Variants in KHDRBS2 observed in about 807,000 individuals in gnomAD.
KHDRBS2 encodes KH domain-containing, RNA-binding, signal transduction-associated protein 2.
A neutral mutation model predicts 44.3 loss-of-function variants in KHDRBS2; 26 were observed. That is an observed-to-expected ratio of 0.59 (90% CI 0.43 to 0.81). The LOEUF (loss-of-function observed/expected upper bound fraction) is 0.81, where lower values mean the gene tolerates loss of function less well. Ranked by LOEUF, KHDRBS2 falls within the 40% of genes least tolerant of loss-of-function variation. The pLI, the probability that KHDRBS2 is intolerant of heterozygous loss-of-function variation, is 0.00. For missense variants in KHDRBS2, 476 were observed against 433.1 expected, an observed-to-expected ratio of 1.10 and a Z score of -0.88; for synonymous variants, 194 against 151.1, an observed-to-expected ratio of 1.28 and a Z score of -2.08.
chr6:61,770,617 G>A (rs2127576302), intron 6 of KHDRBS2, among the ~76,000 whole-genome samples: 2 of 152,262 alleles, frequency 1.3e-5, no homozygotes, highest in Middle Eastern at 6.8e-3. Flanking sequence ...GAAATGAAGT[G>A]AGAAGAGAAG....
chr6:61,697,138 T>A lies in KHDRBS2; in HGVS notation c.952+57A>T. Reference sequence around the variant, plus strand: ...GAGAAAGATGGAAATAATGTTTGAATTGTCGGTGACTGATGGATGTTCCGA... The same window carrying A: ...GAGAAAGATGGAAATAATGTTTGAAATGTCGGTGACTGATGGATGTTCCGA... On this transcript the variant is annotated intron_variant, in intron 8 of 8. Coordinates refer to ENST00000281156, the MANE Select transcript of KHDRBS2 (RefSeq NM_152688.4). 2.8e-6 allele frequency: 3 copies of A among 1,081,432 alleles called. No individual in the cohort carries two copies. In the South Asian group the frequency reaches 3.7e-5, roughly 13 times the overall value. The allele number at this position is 1,081,432 out of a possible 1,614,324, so 67.0% of individuals were successfully genotyped here. A position where few individuals can be genotyped will look rare whatever the true frequency, so the allele number is the denominator to read the frequency against.
the KHDRBS2 span, among the ~76,000 whole-genome samples, chr6:61,645,666 G>A: frequency 2.6e-5 from 4 of 152,128 alleles, no homozygotes; most frequent in Non-Finnish European, 5.9e-5. Flanking sequence ...AGTTGGTGGA[G>A]AAGAAATTGG....
chr6:61,873,484 G>T (rs1246186977), intron 6 of KHDRBS2, among the ~76,000 whole-genome samples: 2 of 151,786 alleles, frequency 1.3e-5, no homozygotes, highest in African/African-American at 4.8e-5. Flanking sequence ...AAAACGTGGA[G>T]AACTAAGGAC....
At chr6:61,836,347 A>G (rs1281340807) in intron 6 of KHDRBS2, among the ~76,000 whole-genome samples, 2 of 151,998 alleles carry the variant, frequency 1.3e-5, no homozygotes, top group African/African-American at 2.4e-5. Context: ...CACAGACTCC[A>G]TGTAAGACAA....
At chr6:62,285,823 G>A (rs1842408733) in intron 1 of KHDRBS2, 35 bp downstream of exon 1, 2 of 1,491,842 alleles carry the variant, frequency 1.3e-6, no homozygotes, top group Non-Finnish European at 1.9e-6. Flanking sequence ...ATAGGCAGCC[G>A]GCGGTTTGTG....
the KHDRBS2 span, among the ~76,000 whole-genome samples, chr6:61,585,922 C>A: frequency 2.0e-5 from 3 of 152,052 alleles, no homozygotes; most frequent in Admixed American, 6.6e-5. Flanking sequence ...AATTAGAGAA[C>A]AATTAACTTC....
intron 2 of KHDRBS2, among the ~76,000 whole-genome samples, chr6:62,107,422 C>G (rs891196361): frequency 2.6e-5 from 4 of 152,132 alleles, no homozygotes; most frequent in Non-Finnish European, 1.5e-5. Flanking sequence ...AACTACAAAC[C>G]ACTGCTCAGT....
intron 1 of KHDRBS2, among the ~76,000 whole-genome samples, chr6:62,251,924 T>C (rs1320189285): frequency 6.6e-6 from 1 of 151,940 alleles, no homozygotes; most frequent in African/African-American, 2.4e-5. Context: ...AAAATCCTAC[T>C]AAATGTTAAA....
chr6:62,119,164 C>A (rs909416002), intron 2 of KHDRBS2, among the ~76,000 whole-genome samples: 3 of 152,140 alleles, frequency 2.0e-5, no homozygotes, highest in Non-Finnish European at 4.4e-5. Context: ...GACTCTACTT[C>A]TAATATTATG....
chr6:61,802,537 C>T (rs1195790921), intron 6 of KHDRBS2, among the ~76,000 whole-genome samples: 2 of 152,114 alleles, frequency 1.3e-5, no homozygotes, highest in East Asian at 3.9e-4. Context: ...ACTAAGGACT[C>T]TTGCCTCCTA....
chr6:61,762,820 G>C (rs1779470639), intron 6 of KHDRBS2, among the ~76,000 whole-genome samples: 1 of 152,052 alleles, frequency 6.6e-6, no homozygotes, highest in African/African-American at 2.4e-5. Context: ...TCTCAAACAG[G>C]TTGCAACAAA....
At chr6:61,632,134 A>G in the KHDRBS2 span, among the ~76,000 whole-genome samples, 1 of 152,160 alleles carries the variant, frequency 6.6e-6, no homozygotes, top group Non-Finnish European at 1.5e-5. Context: ...TTAAAAGAAG[A>G]TAGGACTATG....
intron 2 of KHDRBS2, among the ~76,000 whole-genome samples, 165 bp from the exon 3 acceptor site, chr6:62,048,159 A>ACAC (rs1386673344): frequency 3.3e-5 from 3 of 92,148 alleles, no homozygotes; most frequent in East Asian, 3.7e-4. Flanking sequence ...CACACACACA[A>ACAC]ACCCCAAACC....
chr6:61,765,086 A>G (rs1366912919), intron 6 of KHDRBS2, among the ~76,000 whole-genome samples: 1 of 152,222 alleles, frequency 6.6e-6, no homozygotes, highest in African/African-American at 2.4e-5. Context: ...AGAAGGGTAC[A>G]GAGAATTTAA....
At chr6:61,822,835 A>G (rs1224775584) in intron 6 of KHDRBS2, among the ~76,000 whole-genome samples, 1 of 151,988 alleles carries the variant, frequency 6.6e-6, no homozygotes, top group Non-Finnish European at 1.5e-5. Flanking sequence ...ACATCCCCTC[A>G]GAAGAGATCA....
At chr6:61,818,266 T>TAAAAAA (rs60399147) in intron 6 of KHDRBS2, among the ~76,000 whole-genome samples, 8 of 114,464 alleles carry the variant, frequency 7.0e-5, no homozygotes, top group African/African-American at 2.5e-4. Flanking sequence ...CCTCTGTAAG[T>TAAAAAA]AAAAAAAAAA....
intron 3 of KHDRBS2, among the ~76,000 whole-genome samples, chr6:62,023,088 T>TA (rs1782637228): frequency 1.3e-5 from 2 of 151,652 alleles, no homozygotes. Flanking sequence ...CGCAATACCT[T>TA]AAAAAACAAG....
chr6:61,932,148 T>A (rs1287487177), intron 4 of KHDRBS2, among the ~76,000 whole-genome samples: 2 of 152,148 alleles, frequency 1.3e-5, no homozygotes, highest in South Asian at 2.1e-4. Flanking sequence ...AAGTTATACA[T>A]TGATTTTCGA....
chr6:62,233,041 G>A (rs1431080551), intron 1 of KHDRBS2, among the ~76,000 whole-genome samples: 7 of 152,084 alleles, frequency 4.6e-5, no homozygotes, highest in Non-Finnish European at 1.0e-4. Flanking sequence ...CTCACTGGAC[G>A]ATATTAAGTT....
Sources: allele counts gnomAD v4.1 joint callset (sites outside exome capture counted in the v4.1 genomes callset), GRCh38; gene constraint gnomAD v4.1.1; transcripts MANE v1.5; gene names NCBI Gene and HGNC (gene_info 2026-07-23, HGNC 2026-07-21).